ARB2A: variants seen among roughly 807,000 people sequenced by gnomAD.
The protein encoded by ARB2A is ARB2 cotranscriptional regulator A.
chr5:93,845,470 CA>C, the ARB2A span, among the ~76,000 whole-genome samples: 1 of 152,160 alleles, frequency 6.6e-6, no homozygotes, highest in Non-Finnish European at 1.5e-5. Context: ...GTGAAGATCT[CA>C]GCTGTCATTC....
At chr5:93,994,550 T>G in the ARB2A span, among the ~76,000 whole-genome samples, 9 of 152,170 alleles carry the variant, frequency 5.9e-5, no homozygotes, top group Admixed American at 3.9e-4. Context: ...CGGGTACATA[T>G]AGTTGACCCT....
chr5:93,742,218 T>A, the ARB2A span, among the ~76,000 whole-genome samples: 1 of 152,066 alleles, frequency 6.6e-6, no homozygotes, highest in Non-Finnish European at 1.5e-5. Flanking sequence ...ACTAATTCCA[T>A]GTTTCTTCCC....
the ARB2A span, among the ~76,000 whole-genome samples, chr5:94,094,270 C>T: frequency 2.6e-5 from 4 of 152,164 alleles, no homozygotes; most frequent in Non-Finnish European, 4.4e-5. Context: ...TTCTGATAAG[C>T]GCTCTTTTCC....
At chr5:93,632,837 T>G in the ARB2A span, among the ~76,000 whole-genome samples, 1 of 152,172 alleles carries the variant, frequency 6.6e-6, no homozygotes, top group African/African-American at 2.4e-5. Context: ...AAACAATATT[T>G]GAAGGTAGTG....
the ARB2A span, among the ~76,000 whole-genome samples, chr5:93,929,374 G>T: frequency 6.6e-5 from 10 of 152,068 alleles, no homozygotes; most frequent in Non-Finnish European, 1.0e-4. Context: ...CTGACCTCAA[G>T]AATGTGACAG....
At chr5:93,618,137 TC>T in the ARB2A span, 1 of 150,954 alleles carries the variant, frequency 6.6e-6, no homozygotes, top group African/African-American at 2.5e-5. Context: ...GCTTGTGCTT[TC>T]CTTTTTTTTT....
the ARB2A span, among the ~76,000 whole-genome samples, chr5:93,819,143 G>GC: frequency 1.6e-5 from 2 of 122,884 alleles, no homozygotes; most frequent in Non-Finnish European, 3.2e-5. Context: ...TCGAGATCGC[G>GC]CCACTGCACT....
chr5:94,007,252 T>C, the ARB2A span, among the ~76,000 whole-genome samples: 1 of 152,156 alleles, frequency 6.6e-6, no homozygotes, highest in Non-Finnish European at 1.5e-5. Context: ...TATTTCTAAA[T>C]AGTATGACAA....
chr5:93,941,233 T>C, the ARB2A span, among the ~76,000 whole-genome samples: 1 of 152,040 alleles, frequency 6.6e-6, no homozygotes, highest in Non-Finnish European at 1.5e-5. Context: ...CCCTTCACAA[T>C]GTTACACACT....
the ARB2A span, among the ~76,000 whole-genome samples, chr5:93,684,948 T>C: frequency 1.3e-5 from 2 of 152,228 alleles, no homozygotes; most frequent in African/African-American, 2.4e-5. Flanking sequence ...TGAAGTGTTA[T>C]AGTGAGGATC....
the ARB2A span, among the ~76,000 whole-genome samples, chr5:93,841,409 A>C: frequency 2.6e-5 from 4 of 152,312 alleles, no homozygotes; most frequent in South Asian, 8.3e-4. Flanking sequence ...TCCAGAGATG[A>C]TTTAAAGTCT....
At chr5:93,933,316 G>A in the ARB2A span, among the ~76,000 whole-genome samples, 2 of 152,128 alleles carry the variant, frequency 1.3e-5, no homozygotes, top group African/African-American at 4.8e-5. Context: ...ATACCTAAAG[G>A]ATTATAAATC....
At chr5:93,911,357 C>T in the ARB2A span, among the ~76,000 whole-genome samples, 2 of 151,532 alleles carry the variant, frequency 1.3e-5, no homozygotes, top group African/African-American at 2.4e-5. Flanking sequence ...TTTCTTTAAT[C>T]GAAACCAAAA....
the ARB2A span, chr5:93,910,764 C>G: frequency 6.6e-6 from 1 of 151,310 alleles, no homozygotes; most frequent in African/African-American, 2.4e-5. Flanking sequence ...ATACAGTTAA[C>G]ATTTTAAACT....
chr5:93,874,007 A>G, the ARB2A span, among the ~76,000 whole-genome samples: 1 of 152,216 alleles, frequency 6.6e-6, no homozygotes, highest in African/African-American at 2.4e-5. Flanking sequence ...TCGGGGGAAT[A>G]TATCTGGAAG....
chr5:93,910,369 T>A, the ARB2A span, among the ~76,000 whole-genome samples: 1 of 151,186 alleles, frequency 6.6e-6, no homozygotes, highest in Non-Finnish European at 1.5e-5. Flanking sequence ...AGATGAACAT[T>A]TTTTTAAATG....
chr5:93,682,967 T>C, the ARB2A span: 2 of 1,582,836 alleles, frequency 1.3e-6, no homozygotes, highest in East Asian at 4.5e-5. Context: ...TATACTTGCT[T>C]GCATTTTTGC....
chr5:93,739,378 G>A, the ARB2A span: 1 of 152,250 alleles, frequency 6.6e-6, no homozygotes, highest in Non-Finnish European at 1.5e-5. Flanking sequence ...AATAAAAATT[G>A]TAGTAAGTAG....
the ARB2A span, among the ~76,000 whole-genome samples, chr5:93,786,645 T>G: frequency 2.0e-5 from 3 of 152,198 alleles, no homozygotes; most frequent in African/African-American, 7.2e-5. Flanking sequence ...GTCTAACTTT[T>G]TGGACTATTT....
Sources: allele counts gnomAD v4.1 joint callset (sites outside exome capture counted in the v4.1 genomes callset), GRCh38; gene constraint gnomAD v4.1.1; transcripts MANE v1.5; gene names NCBI Gene and HGNC (gene_info 2026-07-23, HGNC 2026-07-21).